PTPRT: variants seen among roughly 807,000 people sequenced by gnomAD.
PTPRT encodes the protein protein tyrosine phosphatase receptor type T, also known as receptor-type tyrosine-protein phosphatase T.
Under a neutral mutation model 176.8 loss-of-function variants are expected in PTPRT, and 56 were observed. The observed-to-expected ratio is 0.32, with a 90% confidence interval of 0.26 to 0.40. The LOEUF is 0.40. Ranked by LOEUF, PTPRT falls within the 10% of genes least tolerant of loss-of-function variation. PTPRT has a pLI of 1.00. For missense variants in PTPRT, 1,540 were observed against 1,908.2 expected, an observed-to-expected ratio of 0.81 and a Z score of 3.60; for synonymous variants, 783 against 739.0, an observed-to-expected ratio of 1.06 and a Z score of -0.96.
chr20:42,514,451 C>A (rs1454585482), intron 7 of PTPRT, among the ~76,000 whole-genome samples: 2 of 152,084 alleles, frequency 1.3e-5, no homozygotes, highest in African/African-American at 4.8e-5. Flanking sequence ...TTTTCAAATG[C>A]CTTTTTAAAA....
At chr20:42,111,890 G>T (rs1206789830) in intron 22 of PTPRT, among the ~76,000 whole-genome samples, 1 of 152,168 alleles carries the variant, frequency 6.6e-6, no homozygotes, top group African/African-American at 2.4e-5. Flanking sequence ...AAGGCAGGGG[G>T]ACAGCATGGG....
At chr20:42,884,713 G>C (rs1158050718) in intron 2 of PTPRT, among the ~76,000 whole-genome samples, 3 of 152,134 alleles carry the variant, frequency 2.0e-5, no homozygotes, top group Admixed American at 2.0e-4. Flanking sequence ...GAGCACCTGG[G>C]GGATTGGTGA....
intron 9 of PTPRT, among the ~76,000 whole-genome samples, chr20:42,366,171 C>T (rs545950049): frequency 2.9e-4 from 44 of 152,292 alleles, no homozygotes; most frequent in African/African-American, 9.9e-4. Context: ...TTAGTGGACA[C>T]CTAATTAATG....
At chr20:43,059,462 A>C (rs1394051337) in intron 1 of PTPRT, among the ~76,000 whole-genome samples, 1 of 152,228 alleles carries the variant, frequency 6.6e-6, no homozygotes, top group Non-Finnish European at 1.5e-5. Context: ...ACATGAAGAC[A>C]ATTCATTCAG....
At chr20:42,242,558 G>A (rs1249639889) in intron 14 of PTPRT, among the ~76,000 whole-genome samples, 1 of 152,182 alleles carries the variant, frequency 6.6e-6, no homozygotes, top group Admixed American at 6.5e-5. Context: ...AGTGCCTACT[G>A]AATTAGTCCT....
chr20:42,872,742 T>G (rs527286354), intron 2 of PTPRT, among the ~76,000 whole-genome samples: 2 of 152,336 alleles, frequency 1.3e-5, no homozygotes, highest in African/African-American at 4.8e-5. Context: ...GGATGATGTG[T>G]GGCCCAAGGT....
chr20:42,763,848 T>A (rs574752664), intron 5 of PTPRT, among the ~76,000 whole-genome samples: 10 of 152,340 alleles, frequency 6.6e-5, no homozygotes, highest in Non-Finnish European at 1.2e-4. Flanking sequence ...ACTGCTCATT[T>A]TGGGTTGATT....
At chr20:42,942,975 A>G (rs1487277387) in intron 1 of PTPRT, among the ~76,000 whole-genome samples, 1 of 152,244 alleles carries the variant, frequency 6.6e-6, no homozygotes, top group Non-Finnish European at 1.5e-5. Context: ...GAGACTTGGC[A>G]TCCACAGATG....
At chr20:43,187,956 TTC>T (rs2015436083) in intron 1 of PTPRT, among the ~76,000 whole-genome samples, 1 of 152,184 alleles carries the variant, frequency 6.6e-6, no homozygotes, top group South Asian at 2.1e-4. Flanking sequence ...ACGGGCGGCG[TTC>T]AGCACTGGAC....
chr20:42,260,093 A>T (rs749057029), intron 13 of PTPRT, among the ~76,000 whole-genome samples: 1 of 152,232 alleles, frequency 6.6e-6, no homozygotes, highest in African/African-American at 2.4e-5. Flanking sequence ...CAAACTAAAA[A>T]TCAGAGTTGA....
chr20:42,118,308 GA>G, intron 21 of PTPRT, 94 bp downstream of exon 21: 1 of 1,106,034 alleles, frequency 9.0e-7, no homozygotes, highest in South Asian at 1.6e-5. Flanking sequence ...GTGAAATACT[GA>G]CTAGGAGGCA....
chr20:43,033,432 A>G (rs1335638890), intron 1 of PTPRT, among the ~76,000 whole-genome samples: 2 of 152,108 alleles, frequency 1.3e-5, no homozygotes, highest in African/African-American at 2.4e-5. Flanking sequence ...ACCAGGACCC[A>G]TAAGTGAAGG....
At chr20:42,503,256 T>C (rs963878233) in intron 7 of PTPRT, among the ~76,000 whole-genome samples, 12 of 152,094 alleles carry the variant, frequency 7.9e-5, no homozygotes, top group Non-Finnish European at 1.3e-4. Flanking sequence ...TTTACCGTAA[T>C]ATGATTGCTT....
At chr20:43,146,891 T>C (rs1213943530) in intron 1 of PTPRT, among the ~76,000 whole-genome samples, 1 of 152,130 alleles carries the variant, frequency 6.6e-6, no homozygotes, top group Non-Finnish European at 1.5e-5. Context: ...GGAACTATAT[T>C]CACAGGTCAT....
intron 11 of PTPRT, among the ~76,000 whole-genome samples, chr20:42,348,293 T>A (rs2058224565): frequency 6.6e-6 from 1 of 152,176 alleles, no homozygotes. Context: ...CCACCCTCAA[T>A]GCTCTAGAGC....
At chr20:42,493,947 C>A (rs2071605249) in intron 7 of PTPRT, among the ~76,000 whole-genome samples, 1 of 152,064 alleles carries the variant, frequency 6.6e-6, no homozygotes, top group African/African-American at 2.4e-5. Flanking sequence ...AGTGGAGGTA[C>A]ACATACTCAA....
At chr20:42,085,906 C>G in intron 27 of PTPRT, 53 bp from the exon 28 acceptor site, 2 of 1,504,500 alleles carry the variant, frequency 1.3e-6, no homozygotes, top group South Asian at 2.4e-5. Context: ...GGGCGGGTAT[C>G]AAAGTCTCAT....
chr20:42,922,909 C>T (rs1329254649), intron 1 of PTPRT, among the ~76,000 whole-genome samples: 2 of 152,152 alleles, frequency 1.3e-5, no homozygotes, highest in East Asian at 3.9e-4. Context: ...AGTATCAAGC[C>T]TCCCTCAGGA....
chr20:42,110,596 G>A (rs1175236016), intron 22 of PTPRT, 109 bp from the exon 23 acceptor site: 2 of 1,210,900 alleles, frequency 1.7e-6, no homozygotes, highest in African/African-American at 1.5e-5. Flanking sequence ...CAGGGACAGG[G>A]CCCTCACAGT....
Sources: allele counts gnomAD v4.1 joint callset (sites outside exome capture counted in the v4.1 genomes callset), GRCh38; gene constraint gnomAD v4.1.1; transcripts MANE v1.5; gene names NCBI Gene and HGNC (gene_info 2026-07-23, HGNC 2026-07-21).